EPC2: variants seen among roughly 807,000 people sequenced by gnomAD.
EPC2 encodes the protein enhancer of polycomb 2.
EPC2 carries 14 observed loss-of-function variants against 92.1 expected under a neutral mutation model. The observed-to-expected ratio is 0.15, with a 90% CI of 0.10 to 0.24. The LOEUF is 0.24. EPC2 is among the 10% of genes least tolerant of loss of function. The pLI is 1.00. For missense variants in EPC2, 755 were observed against 971.5 expected (o/e 0.78, Z 2.96); for synonymous variants, 340 against 334.7 (o/e 1.02, Z -0.17).
chr2:148,677,227 G>T (rs538821681), intron 1 of EPC2, among the ~76,000 whole-genome samples: 3 of 152,132 alleles, frequency 2.0e-5, no homozygotes, highest in Non-Finnish European at 4.4e-5. Flanking sequence ...ATGAAGATGA[G>T]ATTTATTTTT....
intron 11 of EPC2, among the ~76,000 whole-genome samples, chr2:148,782,508 G>T (rs902284201): frequency 6.6e-5 from 10 of 151,706 alleles, no homozygotes; most frequent in South Asian, 4.2e-4. Context: ...CTGCACTCCA[G>T]CCTGGGTGAT....
rs190556951 is a variant in EPC2, at chr2:148,725,562, C to G, written c.314-18060C>G. The stretch of plus-strand genomic sequence containing the variant: ...GTTGTCATTGATACAATACAGTAAT[C>G]TGTTGACCTCATGCATAATTTAATA... On this transcript the variant is annotated intron_variant, in intron 2 of 13. Transcript: ENST00000258484. 2.2e-3 allele frequency among the ~76,000 whole-genome samples: 339 copies of G among 152,206 alleles called. 3 individuals carry two copies. The highest frequency in any genetic ancestry group is 6.8e-3 in the Middle Eastern group (2 of 292).
intron 1 of EPC2, 132 bp downstream of exon 1, chr2:148,645,302 C>T (rs1252550522): frequency 1.2e-6 from 1 of 804,872 alleles, no homozygotes; most frequent in Non-Finnish European, 1.9e-6. Context: ...CGGGACTCTA[C>T]GCCGGCGGAG....
chr2:148,698,829 C>CT (rs56852195), intron 2 of EPC2, among the ~76,000 whole-genome samples: 32,136 of 140,838 alleles, frequency 0.23, 4,645 homozygotes, highest in East Asian at 0.53. Flanking sequence ...ATTTTCTTCC[C>CT]TTTTTTTTTT....
chr2:148,775,369 T>C (rs1683611740), intron 10 of EPC2, among the ~76,000 whole-genome samples: 1 of 151,858 alleles, frequency 6.6e-6, no homozygotes. Flanking sequence ...ACAGTATTAT[T>C]TAACTGTTCT....
chr2:148,702,478 C>T (rs1681910531), intron 2 of EPC2, among the ~76,000 whole-genome samples: 1 of 152,172 alleles, frequency 6.6e-6, no homozygotes, highest in East Asian at 1.9e-4. Flanking sequence ...CAGGGCTTCC[C>T]CAGCTCTGAG....
intron 4 of EPC2, among the ~76,000 whole-genome samples, chr2:148,759,534 G>A (rs1168360994): frequency 6.6e-6 from 1 of 152,068 alleles, no homozygotes; most frequent in Non-Finnish European, 1.5e-5. Flanking sequence ...TTAAGTAATA[G>A]GATTATATTA....
At chr2:148,745,103 TCTTA>T (rs1162364748) in intron 3 of EPC2, among the ~76,000 whole-genome samples, 1 of 151,770 alleles carries the variant, frequency 6.6e-6, no homozygotes, top group Admixed American at 6.6e-5. Context: ...TGAGAGATTG[TCTTA>T]CTTGGTTTTT....
At position 148,659,884 on chromosome 2, in the gene EPC2, G is replaced by A. The variant is rs575968620; in HGVS notation, c.153+14714G>A. Among the ~76,000 whole-genome samples the A allele has an allele frequency of 5.3e-5, 8 of 152,200 alleles. No homozygotes were observed. The South Asian group carries it at 1.7e-3, about 32-fold the overall frequency. On this transcript the variant is annotated intron_variant, in intron 1 of 13. Coordinates refer to ENST00000258484, the MANE Select transcript of EPC2 (RefSeq NM_015630.4). ...TAATAAAACAGTACAGATGGTCGTTGGAAAGGTACTCAGCCACCTAAGCAT... is the reference window on the plus strand; with the variant it reads ...TAATAAAACAGTACAGATGGTCGTTAGAAAGGTACTCAGCCACCTAAGCAT...
At chr2:148,699,635 A>G (rs2105376559) in intron 2 of EPC2, among the ~76,000 whole-genome samples, 1 of 152,294 alleles carries the variant, frequency 6.6e-6, no homozygotes, top group South Asian at 2.1e-4. Flanking sequence ...CAGTTTATCC[A>G]TTCACCTATT....
At position 148,644,765 on chromosome 2, in the gene EPC2, T is replaced by G; in HGVS notation, c.-253T>G. 1.2e-4 allele frequency: 46 copies of G among 376,546 alleles called. No homozygotes were observed. The highest frequency in any genetic ancestry group is 2.4e-4 in the East Asian group (4 of 16,650). The allele number at this position is 376,546 out of a possible 1,614,324, so 23.3% of individuals were successfully genotyped here. On this transcript the variant is annotated 5_prime_UTR_variant, in exon 1 of 14. It removes an upstream start codon present in the reference 5' UTR. Coordinates refer to ENST00000258484, the MANE Select transcript of EPC2 (RefSeq NM_015630.4). ...GCCGCCGCTGTGGTAATGTCCGCCA[T>G]GTTGGCCATGGCGCAGGGAGCGGAT...
chr2:148,737,813 A>T (rs1027673335), intron 2 of EPC2, among the ~76,000 whole-genome samples: 1 of 144,642 alleles, frequency 6.9e-6, no homozygotes. Flanking sequence ...CGATGAGCTT[A>T]AAAAAAAAAA....
intron 2 of EPC2, among the ~76,000 whole-genome samples, chr2:148,701,123 T>A (rs1267585310): frequency 6.6e-6 from 1 of 152,242 alleles, no homozygotes; most frequent in African/African-American, 2.4e-5. Context: ...CTTTGTATGC[T>A]ACAGACTTAC....
At position 148,781,790 on chromosome 2, in the gene EPC2, TC is replaced by T; in HGVS notation, c.1857+11del. On this transcript the variant is annotated intron_variant, in intron 11 of 13. Transcript: ENST00000258484. ...ACATCCAAAAGCACAGGTAAACTGC[TC>T]TTTTCGTCATAGTTACGTTTGTTTC... 6.2e-7 allele frequency: 1 copy of T among 1,613,140 alleles called. No homozygotes were observed. Among genetic ancestry groups the T allele is most frequent in the South Asian group, 1.1e-5 (1 of 90,850 alleles).
intron 2 of EPC2, among the ~76,000 whole-genome samples, chr2:148,728,963 C>T (rs762706031): frequency 4.8e-5 from 6 of 125,328 alleles, no homozygotes; most frequent in Admixed American, 1.0e-4. Flanking sequence ...ACCCGGGAGG[C>T]GGAGTTTGCA....
At chr2:148,704,952 G>A (rs1482746357) in intron 2 of EPC2, among the ~76,000 whole-genome samples, 2 of 150,380 alleles carry the variant, frequency 1.3e-5, no homozygotes, top group Admixed American at 6.6e-5. Flanking sequence ...TATTTTTAAG[G>A]CAAAGGAATG....
intron 1 of EPC2, among the ~76,000 whole-genome samples, chr2:148,672,863 T>A (rs1248208828): frequency 6.6e-6 from 1 of 152,176 alleles, no homozygotes; most frequent in African/African-American, 2.4e-5. Flanking sequence ...CCTTTAGCAA[T>A]TTTTATAGGA....
At chr2:148,712,244 G>GT (rs1558817361) in intron 2 of EPC2, among the ~76,000 whole-genome samples, 2,341 of 149,532 alleles carry the variant, frequency 0.016, 57 homozygotes, top group African/African-American at 0.051. Flanking sequence ...TGTGTGTGGG[G>GT]GTGTGTGTGT....
At chr2:148,714,316 G>A (rs548041951) in intron 2 of EPC2, among the ~76,000 whole-genome samples, 6 of 152,090 alleles carry the variant, frequency 3.9e-5, no homozygotes, top group African/African-American at 9.6e-5. Context: ...GTCTATCATC[G>A]ATGGGCATTT....
Sources: gnomAD v4.1 joint callset for allele counts (sites outside exome capture counted in the v4.1 genomes callset) on GRCh38, gnomAD v4.1.1 for gene constraint, MANE v1.5 for transcripts, NCBI Gene and HGNC (gene_info 2026-07-23, HGNC 2026-07-21) for gene names.